The following SUZ12 variants were observed in gnomAD, a reference collection of about 807,000 sequenced individuals.
SUZ12 encodes polycomb protein SUZ12.
In SUZ12, 17 loss-of-function variants were observed where a neutral mutation model predicts 87.3. The ratio of observed to expected loss-of-function variants is 0.19; its 90% CI spans 0.13 to 0.29. The LOEUF (loss-of-function observed/expected upper bound fraction) is 0.29, where lower values mean the gene tolerates loss of function less well. Ranked by LOEUF, SUZ12 falls within the 10% of genes least tolerant of loss-of-function variation. The pLI is 1.00. For missense variants in SUZ12, 526 were observed against 912.2 expected, an observed-to-expected ratio of 0.58 and a Z score of 5.45; for synonymous variants, 253 against 312.4, an observed-to-expected ratio of 0.81 and a Z score of 2.01.
intron 3 of SUZ12, among the ~76,000 whole-genome samples, chr17:31,944,497 A>G (rs1468978355): frequency 6.6e-6 from 1 of 152,114 alleles, no homozygotes; most frequent in African/African-American, 2.4e-5. Context: ...ATTGCAGGAT[A>G]TGTTTCTGTT....
chr17:31,988,446 A>T lies in SUZ12; in HGVS notation c.1150A>T (p.Ser384Cys). The change falls in exon 10 of 16, where the codon AGT becomes TGT. Residue 384 changes from serine (S) to cysteine (C), a missense_variant. By Grantham distance (112) the Ser-to-Cys change is moderately radical. This residue lies in a region of SUZ12 where 85 missense variants were observed against 87.4 expected (regional missense o/e 0.97). Coordinates refer to ENST00000322652, the MANE Select transcript of SUZ12 (RefSeq NM_015355.4). ...AKPLATRNSE[S>C]LHQENKPGSV... is the part of the protein sequence containing the mutation. ...ACCTCTTGCCACTAGAAATTCAGAG[A>T]GTCTCCATCAGGAAAACAAGCCTGG... 6.2e-7 allele frequency: 1 copy of T among 1,612,986 alleles called. No individual in the cohort carries two copies. Among genetic ancestry groups the T allele is most frequent in the Non-Finnish European group, 8.5e-7 (1 of 1,179,716 alleles).
At chr17:31,973,373 T>G (rs184025395) in intron 6 of SUZ12, 142 bp downstream of exon 6, 12,869 of 574,592 alleles carry the variant, frequency 0.022, 260 homozygotes, top group South Asian at 0.064. Flanking sequence ...ATTATAAAAC[T>G]GATAACCTCT....
intron 6 of SUZ12, among the ~76,000 whole-genome samples, chr17:31,974,084 A>G (rs1468482786): frequency 1.3e-5 from 2 of 152,192 alleles, no homozygotes; most frequent in African/African-American, 4.8e-5. Context: ...TGAGCTAGGC[A>G]TGATGGCCTG....
At chr17:31,958,951 G>A (rs1907534173) in intron 4 of SUZ12, among the ~76,000 whole-genome samples, 2 of 152,224 alleles carry the variant, frequency 1.3e-5, no homozygotes, top group African/African-American at 2.4e-5. Context: ...CCAGGAGGTG[G>A]AGGTTGCAGT....
chr17:31,979,662 A>G (rs1908981218), intron 8 of SUZ12, among the ~76,000 whole-genome samples: 1 of 152,210 alleles, frequency 6.6e-6, no homozygotes. Flanking sequence ...TTTACGTACT[A>G]CATCACAGAC....
At chr17:31,985,069 G>C (rs1909330316) in intron 9 of SUZ12, among the ~76,000 whole-genome samples, 1 of 146,428 alleles carries the variant, frequency 6.8e-6, no homozygotes, top group Non-Finnish European at 1.5e-5. Flanking sequence ...AGGTTTAGGA[G>C]TATTACTTGA....
At position 31,999,336 on chromosome 17, in the gene SUZ12, T is replaced by G. The variant is rs113398624; in HGVS notation, c.*333T>G. On this transcript the variant is annotated 3_prime_UTR_variant, in exon 16 of 16. Coordinates refer to ENST00000322652, the MANE Select transcript of SUZ12 (RefSeq NM_015355.4). ...ATATAAATCAGAATTTTTTTGCATTTATGAACGGCTGTTTTTCTACTTTGT... is the reference window on the plus strand; with the variant it reads ...ATATAAATCAGAATTTTTTTGCATTGATGAACGGCTGTTTTTCTACTTTGT... The G allele has an allele frequency of 5.0e-5, 12 of 238,504 alleles. No homozygotes were observed. Among genetic ancestry groups the G allele is most frequent in the South Asian group, 1.8e-4 (1 of 5,606 alleles). 14.8% of individuals were successfully genotyped at this position (238,504 alleles called of 1,614,324 possible).
At chr17:31,960,140 T>C (rs1328475825) in intron 4 of SUZ12, among the ~76,000 whole-genome samples, 3 of 152,144 alleles carry the variant, frequency 2.0e-5, no homozygotes, top group Non-Finnish European at 4.4e-5. Flanking sequence ...GAGAAAACTT[T>C]GCCCTTTTCC....
At chr17:31,959,457 C>G (rs1312995906) in intron 4 of SUZ12, among the ~76,000 whole-genome samples, 1 of 152,118 alleles carries the variant, frequency 6.6e-6, no homozygotes, top group Non-Finnish European at 1.5e-5. Context: ...GCGTCTAACC[C>G]CTATATTTTG....
intron 4 of SUZ12, among the ~76,000 whole-genome samples, chr17:31,958,930 A>G (rs1392299929): frequency 6.6e-6 from 1 of 152,238 alleles, no homozygotes; most frequent in Non-Finnish European, 1.5e-5. Flanking sequence ...AGGCAGGAGA[A>G]TTGCTTGAAC....
rs1906839689 is a variant in SUZ12, at chr17:31,949,676, C to CGTTT, written c.455+1991_455+1992insGTTT. On this transcript the variant is annotated intron_variant, in intron 4 of 15. Coordinates refer to ENST00000322652, the MANE Select transcript of SUZ12 (RefSeq NM_015355.4). The stretch of plus-strand genomic sequence containing the variant: ...CCACACCCAGCCCCCCCCCCCCCCC[C>CGTTT]TTTTTTTTTTTTTTTTTTTTTTTTT... 6.4e-3 allele frequency among the ~76,000 whole-genome samples: 79 copies of CGTTT among 12,402 alleles called. 4 individuals are homozygous for CGTTT. Among genetic ancestry groups the CGTTT allele is most frequent in the African/African-American group, 0.027 (77 of 2,898 alleles). 8.1% of individuals were successfully genotyped at this position (12,402 alleles called of 152,430 possible). A position where few individuals can be genotyped will look rare whatever the true frequency, so the allele number is the denominator to read the frequency against.
intron 4 of SUZ12, among the ~76,000 whole-genome samples, chr17:31,957,894 C>CTTT (rs1567818962): frequency 8.9e-5 from 11 of 123,284 alleles, no homozygotes; most frequent in African/African-American, 3.1e-4. Flanking sequence ...CACCTTTTGT[C>CTTT]CTTTTTTTTT....
intron 6 of SUZ12, 103 bp downstream of exon 6, chr17:31,973,334 G>C: frequency 9.3e-7 from 1 of 1,077,598 alleles, no homozygotes; most frequent in Non-Finnish European, 1.3e-6. Flanking sequence ...TTTAAATTTT[G>C]AAAGCTTAAG....
chr17:31,988,239 T>C (rs1440757684), intron 9 of SUZ12, 81 bp from the exon 10 acceptor site: 84 of 1,355,320 alleles, frequency 6.2e-5, no homozygotes, highest in South Asian at 3.1e-5. Flanking sequence ...CATTGACTTA[T>C]AATGAATTTT....
chr17:31,957,478 C>T (rs1163489378), intron 4 of SUZ12, among the ~76,000 whole-genome samples: 1 of 151,682 alleles, frequency 6.6e-6, no homozygotes, highest in East Asian at 1.9e-4. Context: ...GTGGCGTGAT[C>T]TTGGCTCACT....
At chr17:31,995,164 T>A (rs189328888) in intron 13 of SUZ12, among the ~76,000 whole-genome samples, 125 of 152,118 alleles carry the variant, frequency 8.2e-4, no homozygotes, top group Middle Eastern at 3.4e-3. Flanking sequence ...ACTGAAAAAA[T>A]TTTTAAGGCA....
intron 4 of SUZ12, among the ~76,000 whole-genome samples, chr17:31,963,583 G>A (rs1248795607): frequency 6.6e-6 from 1 of 151,226 alleles, no homozygotes; most frequent in Non-Finnish European, 1.5e-5. Flanking sequence ...TGCCACCTCC[G>A]CCCTCCGAGT....
chr17:31,972,359 G>A (rs1215631816), intron 5 of SUZ12, among the ~76,000 whole-genome samples: 2 of 144,194 alleles, frequency 1.4e-5, no homozygotes, highest in Non-Finnish European at 3.0e-5. Flanking sequence ...ATATATATAT[G>A]TGTATGTATG....
chr17:31,974,361 G>C (rs1209590270), intron 6 of SUZ12, among the ~76,000 whole-genome samples: 1 of 152,160 alleles, frequency 6.6e-6, no homozygotes, highest in African/African-American at 2.4e-5. Context: ...TCTCGTCTCT[G>C]CTAAAAATAT....
Sources: allele counts gnomAD v4.1 joint callset (sites outside exome capture counted in the v4.1 genomes callset), GRCh38; gene constraint gnomAD v4.1.1; regional missense constraint gnomAD v4.1.1; transcripts MANE v1.5; gene names NCBI Gene and HGNC (gene_info 2026-07-23, HGNC 2026-07-21).